DNAL4: variants seen among roughly 807,000 people sequenced by gnomAD.
The protein encoded by DNAL4 is dynein axonemal light chain 4.
A neutral mutation model predicts 12.6 loss-of-function variants in DNAL4; 10 were observed. That is an observed-to-expected ratio of 0.79 (90% CI 0.49 to 1.34). The LOEUF (loss-of-function observed/expected upper bound fraction) is 1.34, where lower values mean the gene tolerates loss of function less well. Ranked by LOEUF, DNAL4 falls within the 40% of genes most tolerant of loss-of-function variation. The pLI, the probability that DNAL4 is intolerant of heterozygous loss-of-function variation, is 0.00. For synonymous variants in DNAL4, 46 were observed against 53.1 expected, an observed-to-expected ratio of 0.87 and a Z score of 0.58; for missense variants, 128 against 138.1, an observed-to-expected ratio of 0.93 and a Z score of 0.37.
intron 2 of DNAL4, among the ~76,000 whole-genome samples, chr22:38,781,384 C>G (rs2093034101): frequency 6.6e-6 from 1 of 152,236 alleles, no homozygotes; most frequent in Non-Finnish European, 1.5e-5. Context: ...CCTGGTTTTC[C>G]TCCGGCCTTT....
Position 38,779,453 on chromosome 22 carries a change from G to A in DNAL4, c.314C>T (p.Ser105Phe). 1.3e-6 allele frequency: 2 copies of A among 1,568,298 alleles called. No individual in the cohort carries two copies. The highest frequency in any genetic ancestry group is 2.0e-4 in the Middle Eastern group (1 of 5,126). Residue 105 changes from serine to phenylalanine, a missense_variant, in exon 4 of 4, where the codon TCC (serine) becomes TTC (phenylalanine). Transcript: ENST00000216068. The surrounding 1 kb of genome is among the most constrained non-coding windows in gnomAD (Gnocchi z 4.3). The part of the protein sequence containing the change: ...GTLAVCVWKC[S>F] ...GACGGGGCAGGGGACAGAGTGTCAG[G>A]AGCACTTCCAGACGCACACAGCCAG...
intron 1 of DNAL4, among the ~76,000 whole-genome samples, 162 bp downstream of exon 1, chr22:38,793,906 T>C (rs1040250891): frequency 7.3e-5 from 5 of 68,366 alleles, no homozygotes; most frequent in African/African-American, 2.9e-4. Context: ...GGGGTGAGGG[T>C]GGGGGTTGAG....
At chr22:38,784,512 T>TC (rs1395727471) in intron 1 of DNAL4, among the ~76,000 whole-genome samples, 8 of 151,276 alleles carry the variant, frequency 5.3e-5, no homozygotes, top group African/African-American at 1.9e-4. Flanking sequence ...TTCACTTTTT[T>TC]TTTTTTTTTT....
intron 1 of DNAL4, among the ~76,000 whole-genome samples, chr22:38,791,465 T>G (rs1239235489): frequency 6.6e-6 from 1 of 152,070 alleles, no homozygotes; most frequent in Non-Finnish European, 1.5e-5. Flanking sequence ...GCGATTCTCC[T>G]GCCTCAGCCT....
At chr22:38,783,887 C>G (rs2093038269) in intron 1 of DNAL4, among the ~76,000 whole-genome samples, 1 of 152,164 alleles carries the variant, frequency 6.6e-6, no homozygotes, top group South Asian at 2.1e-4. Context: ...GGGCCTGGAC[C>G]CGAGATGACT....
chr22:38,792,485 G>T (rs893445137), intron 1 of DNAL4, among the ~76,000 whole-genome samples: 2 of 152,202 alleles, frequency 1.3e-5, no homozygotes, highest in Admixed American at 1.3e-4. Context: ...GTTTTACCAT[G>T]TTGGCCAGGC....
At chr22:38,793,815 G>A in intron 1 of DNAL4, among the ~76,000 whole-genome samples, 1 of 152,134 alleles carries the variant, frequency 6.6e-6, no homozygotes, top group African/African-American at 2.4e-5. Flanking sequence ...AAGCTGGGCA[G>A]GCCTTGGGTG....
intron 1 of DNAL4, among the ~76,000 whole-genome samples, chr22:38,787,990 C>T (rs920812234): frequency 6.6e-6 from 1 of 152,170 alleles, no homozygotes; most frequent in Non-Finnish European, 1.5e-5. Flanking sequence ...TCCTTTGGCA[C>T]AAGCAAGTAG....
At chr22:38,784,506 CTTTTTTT>C (rs1012937453) in intron 1 of DNAL4, among the ~76,000 whole-genome samples, 21 of 139,172 alleles carry the variant, frequency 1.5e-4, no homozygotes, top group African/African-American at 4.5e-4. Context: ...GTCTCTTTCA[CTTTTTTT>C]TTTTTTTTTT....
chr22:38,784,189 T>C (rs1184773536), intron 1 of DNAL4, among the ~76,000 whole-genome samples: 7 of 152,212 alleles, frequency 4.6e-5, no homozygotes, highest in African/African-American at 1.7e-4. Flanking sequence ...GCTGTCGGTT[T>C]CCTGCCTGTC....
At chr22:38,783,940 A>G (rs2093038311) in intron 1 of DNAL4, among the ~76,000 whole-genome samples, 1 of 149,050 alleles carries the variant, frequency 6.7e-6, no homozygotes, top group Non-Finnish European at 1.5e-5. Flanking sequence ...TTCATCTTCA[A>G]CCCAATTTAT....
At chr22:38,792,384 G>A (rs1188093214) in intron 1 of DNAL4, among the ~76,000 whole-genome samples, 2 of 151,638 alleles carry the variant, frequency 1.3e-5, no homozygotes, top group South Asian at 2.1e-4. Context: ...CCGGGTTCAC[G>A]CCATTCTCCT....
intron 3 of DNAL4, among the ~76,000 whole-genome samples, chr22:38,780,002 C>T (rs554441900): frequency 6.6e-6 from 1 of 152,308 alleles, no homozygotes; most frequent in South Asian, 2.1e-4. Flanking sequence ...GATGGAGAGA[C>T]CTGGCACCCT....
chr22:38,781,746 C>G (rs1049238645), intron 2 of DNAL4, among the ~76,000 whole-genome samples: 1 of 152,158 alleles, frequency 6.6e-6, no homozygotes, highest in Non-Finnish European at 1.5e-5. Flanking sequence ...TAGCAGCCAC[C>G]CTGGACTCTC....
At chr22:38,780,600 G>A (rs2093032831) in intron 3 of DNAL4, 1 of 346,172 alleles carries the variant, frequency 2.9e-6, no homozygotes, top group African/African-American at 2.1e-5. Flanking sequence ...ATGAATGGAT[G>A]CCTGGGCAGG....
At chr22:38,780,321 T>G (rs1298656300) in intron 3 of DNAL4, among the ~76,000 whole-genome samples, 3 of 152,150 alleles carry the variant, frequency 2.0e-5, no homozygotes, top group African/African-American at 7.2e-5. Context: ...ATTTAAGGAC[T>G]AGGAAACTGC....
chr22:38,780,861 G>A (rs1298749778), intron 3 of DNAL4, 65 bp downstream of exon 3: 1 of 1,547,734 alleles, frequency 6.5e-7, no homozygotes. Flanking sequence ...AGGGAACAGG[G>A]GCCACTTTAT....
chr22:38,787,444 G>T (rs953053095), intron 1 of DNAL4, among the ~76,000 whole-genome samples: 1 of 151,930 alleles, frequency 6.6e-6, no homozygotes, highest in African/African-American at 2.4e-5. Flanking sequence ...GTTTCACCAT[G>T]TTGGCCAGGC....
chr22:38,786,572 AC>A (rs1489145824), intron 1 of DNAL4, among the ~76,000 whole-genome samples: 1 of 152,140 alleles, frequency 6.6e-6, no homozygotes, highest in Non-Finnish European at 1.5e-5. Context: ...ACAAAACAAA[AC>A]AAAACAAAAC....
Sources: gnomAD v4.1 joint callset for allele counts (sites outside exome capture counted in the v4.1 genomes callset) on GRCh38, gnomAD v4.1.1 for gene constraint, Gnocchi (gnomAD v3.1) non-coding constraint, MANE v1.5 for transcripts, NCBI Gene and HGNC (gene_info 2026-07-23, HGNC 2026-07-21) for gene names.